RANBP2: variants seen among roughly 807,000 people sequenced by gnomAD.
The protein encoded by RANBP2 is E3 SUMO-protein ligase RanBP2.
Under a neutral mutation model 303.6 loss-of-function variants are expected in RANBP2, and 57 were observed. The ratio of observed to expected loss-of-function variants is 0.19; its 90% CI spans 0.15 to 0.23. RANBP2 has a LOEUF of 0.23. Ranked by LOEUF, RANBP2 falls within the 10% of genes least tolerant of loss-of-function variation. The probability of loss-of-function intolerance (pLI) is 1.00; values close to 1 mark genes in which losing one functional copy is unlikely to be tolerated. For synonymous variants in RANBP2, 1,167 were observed against 1,301.5 expected, an observed-to-expected ratio of 0.90 and a Z score of 2.23; for missense variants, 3,138 against 3,780.8, an observed-to-expected ratio of 0.83 and a Z score of 4.46.
rs770003253 is a variant in RANBP2 at position 108,735,653 on chromosome 2, G to A, written c.527G>A (p.Arg176His). 75 of 1,597,426 alleles carry A rather than the reference G, an allele frequency of 4.7e-5. No individual in the cohort carries two copies. The highest frequency in any genetic ancestry group is 6.1e-5 in the Non-Finnish European group (72 of 1,179,786). The change falls in exon 5 of 29, where the codon CGC becomes CAC. Residue 176 changes from arginine (R) to histidine (H), a missense_variant. Around this residue, in one of 20 missense-constraint regions of RANBP2, gnomAD observed 306 missense variants for 381.9 expected, o/e 0.80. Coordinates refer to ENST00000283195, the MANE Select transcript of RANBP2 (RefSeq NM_006267.5). ...HVNIRLVEVY[R>H]STKRLKDAVA... is the part of the protein sequence containing the mutation. ...AACATCCGGCTAGTGGAGGTGTATC[G>A]CTCAACTAAAAGATTGAAGGATGCT...
the RANBP2 span, among the ~76,000 whole-genome samples, chr2:109,261,223 G>T: frequency 6.6e-6 from 1 of 152,042 alleles, no homozygotes; most frequent in Admixed American, 6.6e-5. Flanking sequence ...GGTGTAAAGC[G>T]AGGGCCCTGG....
the RANBP2 span, among the ~76,000 whole-genome samples, chr2:109,061,471 G>C: frequency 6.6e-6 from 1 of 152,224 alleles, no homozygotes; most frequent in African/African-American, 2.4e-5. Flanking sequence ...TTTGCAAGCA[G>C]CCTGTGTGCA....
At chr2:109,338,555 A>G in the RANBP2 span, among the ~76,000 whole-genome samples, 14 of 152,028 alleles carry the variant, frequency 9.2e-5, no homozygotes, top group African/African-American at 3.4e-4. Flanking sequence ...ACCTGTGTGT[A>G]ACTTTTTATT....
chr2:108,771,843 A>G lies in RANBP2; in HGVS notation c.7992A>G (p.Pro2664=). 3 of 1,614,052 alleles carry G rather than the reference A, an allele frequency of 1.9e-6. No homozygotes were observed. Among genetic ancestry groups the G allele is most frequent in the Non-Finnish European group, 2.5e-6 (3 of 1,179,950 alleles). The change falls in exon 21 of 29, where the codon CCA becomes CCG. Residue 2664 remains proline, a synonymous_variant. Transcript: ENST00000283195. ...PPTFFCYKNR[P]DYVSEEEEDD... ...CTTTCTTCTGCTACAAGAATAGACC[A>G]GATTATGTTAGTGAAGAAGAGGAGG...
the RANBP2 span, among the ~76,000 whole-genome samples, chr2:109,301,425 G>A: frequency 6.6e-6 from 1 of 152,098 alleles, no homozygotes; most frequent in Non-Finnish European, 1.5e-5. Context: ...AGTCTCCCCT[G>A]CATTCCTCTC....
the RANBP2 span, among the ~76,000 whole-genome samples, chr2:109,100,331 A>G: frequency 6.6e-6 from 1 of 152,208 alleles, no homozygotes; most frequent in Non-Finnish European, 1.5e-5. Context: ...TGTGAACCCT[A>G]TTATGAGCTG....
chr2:108,948,154 A>G, the RANBP2 span, among the ~76,000 whole-genome samples: 6 of 152,228 alleles, frequency 3.9e-5, no homozygotes, highest in African/African-American at 9.6e-5. Context: ...GCAAAATGCC[A>G]CCAGTCTCTT....
chr2:109,057,681 T>C, the RANBP2 span, among the ~76,000 whole-genome samples: 2 of 152,208 alleles, frequency 1.3e-5, no homozygotes, highest in African/African-American at 4.8e-5. Flanking sequence ...TGTTTCTAAG[T>C]AGAATGCATC....
chr2:109,656,658 A>G, the RANBP2 span, among the ~76,000 whole-genome samples: 1 of 152,176 alleles, frequency 6.6e-6, no homozygotes, highest in African/African-American at 2.4e-5. Context: ...AAACATTCTA[A>G]AGGAAGCGCA....
the RANBP2 span, among the ~76,000 whole-genome samples, chr2:109,055,516 G>A: frequency 0.012 from 1,767 of 149,570 alleles, 38 homozygotes; most frequent in African/African-American, 0.04. Context: ...GCATGCCACC[G>A]TGTCCGGCTA....
the RANBP2 span, among the ~76,000 whole-genome samples, chr2:109,132,026 G>T: frequency 6.6e-6 from 1 of 152,176 alleles, no homozygotes; most frequent in African/African-American, 2.4e-5. Context: ...CTATACAGTT[G>T]GTTGACAAAG....
At position 108,762,004 on chromosome 2, in the gene RANBP2, T is replaced by C. The variant is rs2912833; in HGVS notation, c.2603-97T>C. ...TTTATGTAGTTAAATCTTTCTTTAA[T>C]TTCTATTGCCTTTGTATTTATAGCT... is the stretch of plus-strand genomic sequence containing the variant. On this transcript the variant is annotated intron_variant, in intron 18 of 28. Transcript: ENST00000283195. 10 of 1,518,904 alleles carry C rather than the reference T, an allele frequency of 6.6e-6. No individual in the cohort carries two copies. In the African/African-American group the frequency reaches 8.4e-5, roughly 13 times the overall value. 94.1% of individuals were successfully genotyped at this position (1,518,904 alleles called of 1,614,324 possible). A position where few individuals can be genotyped will look rare whatever the true frequency, so the allele number is the denominator to read the frequency against.
chr2:108,726,581 C>T (rs1048154653), intron 1 of RANBP2, among the ~76,000 whole-genome samples: 2 of 151,820 alleles, frequency 1.3e-5, no homozygotes, highest in African/African-American at 4.8e-5. Flanking sequence ...ATCTTGTCCT[C>T]ACATGGCAGA....
the RANBP2 span, among the ~76,000 whole-genome samples, chr2:109,598,428 A>G: frequency 5.0e-3 from 759 of 152,306 alleles, 5 homozygotes; most frequent in African/African-American, 0.017. Flanking sequence ...AAGTTAGTCC[A>G]AAATATAGAA....
At chr2:108,808,496 C>T in the RANBP2 span, among the ~76,000 whole-genome samples, 854 of 152,210 alleles carry the variant, frequency 5.6e-3, 9 homozygotes, top group African/African-American at 0.02. Flanking sequence ...AAAAGAGTTT[C>T]CCTTCTCCAC....
the RANBP2 span, among the ~76,000 whole-genome samples, chr2:109,031,520 G>C: frequency 6.6e-6 from 1 of 152,212 alleles, no homozygotes; most frequent in East Asian, 1.9e-4. Context: ...CCCAGCAGTC[G>C]GCTCTGCCCG....
At chr2:109,299,127 A>G in the RANBP2 span, among the ~76,000 whole-genome samples, 1 of 152,128 alleles carries the variant, frequency 6.6e-6, no homozygotes. Context: ...AGGCCCCCTC[A>G]GCTCCTCTCC....
chr2:109,023,999 C>T, the RANBP2 span, among the ~76,000 whole-genome samples: 1 of 152,148 alleles, frequency 6.6e-6, no homozygotes, highest in African/African-American at 2.4e-5. Flanking sequence ...GATCTCGGCT[C>T]ACCACAACCT....
chr2:109,588,129 G>C, the RANBP2 span, among the ~76,000 whole-genome samples: 1 of 151,282 alleles, frequency 6.6e-6, no homozygotes, highest in South Asian at 2.1e-4. Flanking sequence ...AGACATCGTA[G>C]AATTCTACAG....
Sources: allele counts gnomAD v4.1 joint callset (sites outside exome capture counted in the v4.1 genomes callset), GRCh38; gene constraint gnomAD v4.1.1; regional missense constraint gnomAD v4.1.1; transcripts MANE v1.5; gene names NCBI Gene and HGNC (gene_info 2026-07-23, HGNC 2026-07-21).